Variants in SCAND3 observed in about 807,000 individuals in gnomAD.
The protein encoded by SCAND3 is SCAN domain-containing protein 3.
At chr6:28,579,393 T>C in the SCAND3 span, 1 of 1,614,014 alleles carries the variant, frequency 6.2e-7, no homozygotes, top group Non-Finnish European at 8.5e-7. This position sits in a 1 kb window ranked among gnomAD's most constrained non-coding sequence, Gnocchi z 4.5. Flanking sequence ...CCATAGAAAC[T>C]TCCTGCCCAT....
At chr6:28,574,600 A>G in the SCAND3 span, 1 of 1,517,964 alleles carries the variant, frequency 6.6e-7, no homozygotes, top group Non-Finnish European at 9.0e-7. Flanking sequence ...CACTGTAATG[A>G]GATTCTTCCC....
chr6:28,577,431 C>G, the SCAND3 span, among the ~76,000 whole-genome samples: 3 of 152,122 alleles, frequency 2.0e-5, no homozygotes, highest in Non-Finnish European at 4.4e-5. Context: ...CACCCCTAAC[C>G]CCAAGCATGG....
At chr6:28,587,150 G>T in the SCAND3 span, 2 of 175,330 alleles carry the variant, frequency 1.1e-5, no homozygotes, top group African/African-American at 4.8e-5. Flanking sequence ...GCCTGGGGAA[G>T]AGGCCCGATT....
chr6:28,571,613 G>A, the SCAND3 span: 1 of 291,272 alleles, frequency 3.4e-6, no homozygotes. Context: ...TGAAATACAA[G>A]AAGAAGACAC....
chr6:28,609,013 G>A, the SCAND3 span, among the ~76,000 whole-genome samples: 1 of 152,230 alleles, frequency 6.6e-6, no homozygotes, highest in East Asian at 1.9e-4. Flanking sequence ...CGGGGGTTGG[G>A]GGGAGGGCGC....
At chr6:28,572,699 G>A in the SCAND3 span, 15 of 1,613,916 alleles carry the variant, frequency 9.3e-6, no homozygotes, top group Admixed American at 8.3e-5. This position sits in a 1 kb window ranked among gnomAD's most constrained non-coding sequence, Gnocchi z 4.1. Context: ...ACTTTTCCCC[G>A]TGATAACCAC....
chr6:28,573,782 C>T, the SCAND3 span: 1 of 1,562,174 alleles, frequency 6.4e-7, no homozygotes, highest in Non-Finnish European at 8.6e-7. Context: ...TCAGAAAAGG[C>T]ATGTCTTTTC....
chr6:28,593,051 C>G, the SCAND3 span, among the ~76,000 whole-genome samples: 1 of 148,760 alleles, frequency 6.7e-6, no homozygotes, highest in Admixed American at 6.7e-5. Context: ...GCAACAGAAG[C>G]TAAAGCAGAC....
the SCAND3 span, among the ~76,000 whole-genome samples, chr6:28,605,597 G>T: frequency 6.6e-6 from 1 of 151,648 alleles, no homozygotes; most frequent in Non-Finnish European, 1.5e-5. Context: ...ACTTTGGGAG[G>T]CTGAGGCGGG....
chr6:28,586,950 T>C, the SCAND3 span: 1 of 557,174 alleles, frequency 1.8e-6, no homozygotes, highest in Admixed American at 3.3e-5. This position sits in a 1 kb window ranked among gnomAD's most constrained non-coding sequence, Gnocchi z 4.4. Context: ...AGACCAGAAA[T>C]AGTGAGCACA....
the SCAND3 span, among the ~76,000 whole-genome samples, chr6:28,582,056 G>A: frequency 6.6e-6 from 1 of 152,136 alleles, no homozygotes; most frequent in Non-Finnish European, 1.5e-5. This position sits in a 1 kb window ranked among gnomAD's most constrained non-coding sequence, Gnocchi z 4.8. Context: ...CATGATCAGC[G>A]TATAACCTGA....
chr6:28,575,735 TACGTCCACC>T, the SCAND3 span: 1 of 1,614,142 alleles, frequency 6.2e-7, no homozygotes. The surrounding 1 kb of genome is among the most constrained non-coding windows in gnomAD (Gnocchi z 4.2). Context: ...TCCATGCGAG[TACGTCCACC>T]ATGTCCAATG....
At chr6:28,614,394 C>T in the SCAND3 span, among the ~76,000 whole-genome samples, 3 of 152,178 alleles carry the variant, frequency 2.0e-5, no homozygotes, top group African/African-American at 7.2e-5. Context: ...CACTTCTAAA[C>T]ATCTAGATAG....
the SCAND3 span, among the ~76,000 whole-genome samples, chr6:28,612,240 G>A: frequency 6.6e-6 from 1 of 151,770 alleles, no homozygotes; most frequent in Admixed American, 6.6e-5. Context: ...GGGTTTCATC[G>A]TGTTAGCCAG....
the SCAND3 span, among the ~76,000 whole-genome samples, chr6:28,606,681 G>C: frequency 6.6e-6 from 1 of 152,220 alleles, no homozygotes; most frequent in African/African-American, 2.4e-5. Flanking sequence ...ATGACATCTT[G>C]AGCTCACAAG....
At chr6:28,571,679 TAATA>T in the SCAND3 span, 1 of 414,258 alleles carries the variant, frequency 2.4e-6, no homozygotes, top group Non-Finnish European at 4.1e-6. Context: ...AATTATATTT[TAATA>T]AATACGACAA....
chr6:28,584,215 G>A, the SCAND3 span, among the ~76,000 whole-genome samples: 1 of 152,156 alleles, frequency 6.6e-6, no homozygotes, highest in Non-Finnish European at 1.5e-5. Flanking sequence ...ATCACACCAT[G>A]ATTAAGGGGC....
the SCAND3 span, among the ~76,000 whole-genome samples, chr6:28,576,633 A>AT: frequency 1.3e-5 from 2 of 152,200 alleles, no homozygotes; most frequent in Non-Finnish European, 2.9e-5. Context: ...ACTCCAGCCA[A>AT]TAACAAAAAG....
At chr6:28,593,101 A>G in the SCAND3 span, among the ~76,000 whole-genome samples, 1 of 152,074 alleles carries the variant, frequency 6.6e-6, no homozygotes, top group Non-Finnish European at 1.5e-5. Context: ...CTGCACTGCA[A>G]AGGAAACAAA....
Sources: allele counts gnomAD v4.1 joint callset (sites outside exome capture counted in the v4.1 genomes callset), GRCh38; gene constraint gnomAD v4.1.1; non-coding constraint Gnocchi (gnomAD v3.1); transcripts MANE v1.5; gene names NCBI Gene and HGNC (gene_info 2026-07-23, HGNC 2026-07-21).